Variants in RSRC1 observed in about 807,000 individuals in gnomAD.
The protein encoded by RSRC1 is arginine and serine rich coiled-coil 1, also known as serine/Arginine-related protein 53.
In RSRC1, 39 loss-of-function variants were observed where a neutral mutation model predicts 49.1. The ratio of observed to expected loss-of-function variants is 0.79; its 90% confidence interval spans 0.61 to 1.04. The LOEUF is 1.04. Ranked by LOEUF, RSRC1 falls within the 50% of genes least tolerant of loss-of-function variation. The probability of loss-of-function intolerance (pLI) is 0.00; values close to 1 mark genes in which losing one functional copy is unlikely to be tolerated. For synonymous variants in RSRC1, 143 were observed against 130.8 expected, an observed-to-expected ratio of 1.09 and a Z score of -0.63; for missense variants, 388 against 402.4, an observed-to-expected ratio of 0.96 and a Z score of 0.31.
chr3:158,216,413 T>G (rs963687082), intron 4 of RSRC1, among the ~76,000 whole-genome samples: 7 of 151,316 alleles, frequency 4.6e-5, no homozygotes, highest in African/African-American at 1.7e-4. Context: ...GAAGTTCTAA[T>G]TTTTTGTATT....
chr3:158,156,535 TTTGA>T (rs781124635), intron 3 of RSRC1, among the ~76,000 whole-genome samples: 6 of 152,240 alleles, frequency 3.9e-5, no homozygotes, highest in South Asian at 2.1e-4. Flanking sequence ...TTTTTTGGCT[TTTGA>T]TATGCCTTCC....
At chr3:158,399,626 A>G (rs1170871371) in intron 6 of RSRC1, among the ~76,000 whole-genome samples, 1 of 152,182 alleles carries the variant, frequency 6.6e-6, no homozygotes, top group Non-Finnish European at 1.5e-5. Flanking sequence ...CCTTGTTCAT[A>G]CTAGCCACAT....
intron 3 of RSRC1, among the ~76,000 whole-genome samples, chr3:158,146,540 A>T (rs1717130715): frequency 6.6e-6 from 1 of 152,148 alleles, no homozygotes; most frequent in African/African-American, 2.4e-5. Context: ...CCAGTATTTT[A>T]TTGAGGATTT....
intron 5 of RSRC1, among the ~76,000 whole-genome samples, chr3:158,342,424 G>T (rs1730303201): frequency 6.6e-6 from 1 of 152,102 alleles, no homozygotes; most frequent in Non-Finnish European, 1.5e-5. Context: ...TTTATCAGGG[G>T]TTTCTGCTTT....
chr3:158,327,575 G>C (rs1450111967), intron 5 of RSRC1, among the ~76,000 whole-genome samples: 1 of 152,094 alleles, frequency 6.6e-6, no homozygotes, highest in Non-Finnish European at 1.5e-5. Flanking sequence ...GTTCTAGTTT[G>C]ATTGCACTGT....
intron 6 of RSRC1, among the ~76,000 whole-genome samples, chr3:158,430,076 A>AAAAT (rs1553804857): frequency 1.8e-4 from 27 of 149,672 alleles, no homozygotes; most frequent in African/African-American, 4.4e-4. Context: ...CACACACAAA[A>AAAAT]AAAATAAAAT....
At chr3:158,507,532 T>C (rs1214084921) in intron 7 of RSRC1, among the ~76,000 whole-genome samples, 1 of 152,098 alleles carries the variant, frequency 6.6e-6, no homozygotes, top group Non-Finnish European at 1.5e-5. Flanking sequence ...TTTTAAAAAA[T>C]TGTTCAGGGC....
At chr3:158,543,510 AT>A (rs746848528) in intron 9 of RSRC1, 23 bp downstream of exon 9, 64 of 1,581,428 alleles carry the variant, frequency 4.0e-5, no homozygotes, top group Non-Finnish European at 1.3e-5. Context: ...AACTTTACGA[AT>A]GTCAGTTGAA....
intron 6 of RSRC1, among the ~76,000 whole-genome samples, chr3:158,446,957 G>A (rs1736754431): frequency 6.6e-6 from 1 of 152,016 alleles, no homozygotes. Context: ...GTGCTACAAT[G>A]TGTCATCCAA....
chr3:158,263,469 G>A (rs150567957), intron 4 of RSRC1, among the ~76,000 whole-genome samples: 120 of 152,084 alleles, frequency 7.9e-4, no homozygotes, highest in African/African-American at 2.7e-3. Flanking sequence ...TATTTAGAAC[G>A]TTGTTTTGCA....
intron 7 of RSRC1, among the ~76,000 whole-genome samples, chr3:158,502,477 C>A (rs1475766118): frequency 6.6e-6 from 1 of 152,158 alleles, no homozygotes; most frequent in Admixed American, 6.6e-5. Flanking sequence ...TTTTAGAATT[C>A]TCTTCTTCCT....
At chr3:158,123,207 A>G (rs1483236852) in intron 2 of RSRC1, among the ~76,000 whole-genome samples, 2 of 152,282 alleles carry the variant, frequency 1.3e-5, no homozygotes, top group East Asian at 3.9e-4. Flanking sequence ...GGGTTTCACC[A>G]TGTTGGTCAG....
chr3:158,381,774 T>C (rs1732712319), intron 6 of RSRC1, among the ~76,000 whole-genome samples: 1 of 152,128 alleles, frequency 6.6e-6, no homozygotes, highest in Non-Finnish European at 1.5e-5. Flanking sequence ...AGATATGCTA[T>C]AAAAGATAAA....
intron 6 of RSRC1, among the ~76,000 whole-genome samples, chr3:158,441,538 G>T (rs557889109): frequency 7.9e-5 from 12 of 152,138 alleles, no homozygotes; most frequent in Middle Eastern, 3.4e-3. Context: ...GTCACAAGAT[G>T]TGTTATTTAA....
Position 158,432,713 on chromosome 3 carries a change from T to C in RSRC1, c.584-28222T>C, listed in dbSNP as rs530153681. Among the ~76,000 whole-genome samples the C allele has an allele frequency of 9.9e-5, 15 of 152,086 alleles. No homozygotes were observed. In the South Asian group the frequency reaches 2.5e-3, roughly 25 times the overall value. ...CTGTTTCTAAATTTAGTACTATCCA[T>C]GAAATATAAACTAGCCTAAAATATT... On this transcript the variant is annotated intron_variant, in intron 6 of 9. Coordinates refer to ENST00000611884, the MANE Select transcript of RSRC1 (RefSeq NM_001271838.2).
chr3:158,445,398 G>T (rs139515774), intron 6 of RSRC1, among the ~76,000 whole-genome samples: 7 of 151,818 alleles, frequency 4.6e-5, no homozygotes, highest in African/African-American at 1.5e-4. Context: ...GCAAACTATC[G>T]CAAGGACAAA....
chr3:158,280,563 G>A (rs886417217), intron 4 of RSRC1, among the ~76,000 whole-genome samples: 10 of 150,990 alleles, frequency 6.6e-5, no homozygotes, highest in African/African-American at 2.4e-4. Flanking sequence ...ATGTGTGTGT[G>A]TGGTGGGGGG....
intron 4 of RSRC1, among the ~76,000 whole-genome samples, chr3:158,249,975 G>A (rs115222803): frequency 0.022 from 3,289 of 151,938 alleles, 123 homozygotes; most frequent in African/African-American, 0.075. Context: ...CCCCACTACC[G>A]TTCTCAGCCT....
chr3:158,506,893 A>G (rs1739885693), intron 7 of RSRC1, among the ~76,000 whole-genome samples: 2 of 150,612 alleles, frequency 1.3e-5, no homozygotes, highest in African/African-American at 4.9e-5. Flanking sequence ...TTTTATGTAT[A>G]TATCCCAAAT....
Sources: gnomAD v4.1 joint callset for allele counts (sites outside exome capture counted in the v4.1 genomes callset) on GRCh38, gnomAD v4.1.1 for gene constraint, MANE v1.5 for transcripts, NCBI Gene and HGNC (gene_info 2026-07-23, HGNC 2026-07-21) for gene names.